The following HDAC4 variants were observed in gnomAD, a reference collection of about 807,000 sequenced individuals.
HDAC4 encodes histone deacetylase 4, also known as histone deacetylase A.
Under a neutral mutation model 135.1 loss-of-function variants are expected in HDAC4, and 16 were observed. That is an observed-to-expected ratio of 0.12 (90% CI 0.08 to 0.18). The LOEUF is 0.18. Ranked by LOEUF, HDAC4 falls within the 10% of genes least tolerant of loss-of-function variation. The probability of loss-of-function intolerance (pLI) is 1.00; values close to 1 mark genes in which losing one functional copy is unlikely to be tolerated. For missense variants in HDAC4, 1,143 were observed against 1,511.8 expected, an observed-to-expected ratio of 0.76 and a Z score of 4.05; for synonymous variants, 685 against 653.4, an observed-to-expected ratio of 1.05 and a Z score of -0.74.
intron 22 of HDAC4, among the ~76,000 whole-genome samples, chr2:239,079,659 G>T (rs528598009): frequency 6.6e-6 from 1 of 152,348 alleles, no homozygotes; most frequent in Non-Finnish European, 1.5e-5. Flanking sequence ...GGCCTCACCT[G>T]CCGGAGACGT....
At chr2:239,257,437 T>G (rs969584257) in intron 2 of HDAC4, among the ~76,000 whole-genome samples, 3 of 152,062 alleles carry the variant, frequency 2.0e-5, no homozygotes, top group Non-Finnish European at 2.9e-5. Flanking sequence ...CCTGTTGGTA[T>G]TTGCAGAGCC....
chr2:239,131,615 A>G (rs955573775), intron 11 of HDAC4, among the ~76,000 whole-genome samples: 11 of 152,126 alleles, frequency 7.2e-5, no homozygotes, highest in Admixed American at 3.9e-4. Flanking sequence ...GGTCTGGTCC[A>G]GCATTGAGCC....
intron 1 of HDAC4, among the ~76,000 whole-genome samples, chr2:239,369,208 G>C (rs146260457): frequency 1.6e-4 from 25 of 152,318 alleles, no homozygotes; most frequent in Non-Finnish European, 3.4e-4. Flanking sequence ...ACAGCAGCAC[G>C]GCCCATTCCC....
Position 239,053,552 on chromosome 2 carries a change from A to G in HDAC4, c.3138T>C (p.Ser1046=). ...TCTCGCAAGTCTGAGCCTCGATCAG[A>G]GAACGCCCCGCTGTGGAGGTTGTGC... ...LQRTTSTAGR[S]LIEAQTCENE... is the part of the protein sequence containing the mutation. Residue 1046 remains serine, a synonymous_variant, in exon 26 of 27, where the codon TCT becomes TCC. Coordinates refer to ENST00000543185, the MANE Select transcript of HDAC4 (RefSeq NM_001378414.1). 1.2e-6 allele frequency: 2 copies of G among 1,613,998 alleles called. No homozygotes were observed. The highest frequency in any genetic ancestry group is 1.7e-6 in the Non-Finnish European group (2 of 1,180,018).
intron 2 of HDAC4, chr2:239,298,664 A>T (rs905341363): frequency 9.3e-5 from 91 of 976,428 alleles, no homozygotes; most frequent in Middle Eastern, 1.0e-3. Context: ...CTGTGGCTAA[A>T]TCATTTATCC....
chr2:239,171,843 G>A (rs2043470860), intron 5 of HDAC4, among the ~76,000 whole-genome samples: 1 of 152,270 alleles, frequency 6.6e-6, no homozygotes, highest in South Asian at 2.1e-4. Flanking sequence ...GAATGGAATG[G>A]CATTCTCAAA....
chr2:239,224,101 C>T (rs1288992409), intron 3 of HDAC4, among the ~76,000 whole-genome samples: 1 of 152,202 alleles, frequency 6.6e-6, no homozygotes, highest in Non-Finnish European at 1.5e-5. Flanking sequence ...CACCCACATT[C>T]CCCATGAATT....
At chr2:239,201,274 A>AG (rs149556201) in intron 3 of HDAC4, among the ~76,000 whole-genome samples, 4,106 of 152,152 alleles carry the variant, frequency 0.027, 190 homozygotes, top group African/African-American at 0.094. Context: ...CAGGTCACCC[A>AG]GGGGGGTGCC....
intron 2 of HDAC4, among the ~76,000 whole-genome samples, chr2:239,261,865 C>A (rs1315840115): frequency 6.6e-6 from 1 of 152,184 alleles, no homozygotes; most frequent in African/African-American, 2.4e-5. Flanking sequence ...CCCGGCCCAG[C>A]CAGGAGGTTC....
chr2:239,270,256 G>T (rs867888493), intron 2 of HDAC4, among the ~76,000 whole-genome samples: 2 of 152,172 alleles, frequency 1.3e-5, no homozygotes, highest in African/African-American at 2.4e-5. Context: ...AATGGATGAC[G>T]GAAACAGAAA....
intron 3 of HDAC4, among the ~76,000 whole-genome samples, chr2:239,197,077 C>T (rs538404191): frequency 6.6e-6 from 1 of 152,276 alleles, no homozygotes; most frequent in Non-Finnish European, 1.5e-5. Context: ...TCCCAGCCAT[C>T]GTCTTCCTTG....
intron 1 of HDAC4, among the ~76,000 whole-genome samples, chr2:239,358,841 T>C (rs1693684689): frequency 6.6e-6 from 1 of 152,212 alleles, no homozygotes; most frequent in Non-Finnish European, 1.5e-5. Context: ...CCTCTACACA[T>C]GAGAAACACA....
At chr2:239,266,269 C>A (rs972769010) in intron 2 of HDAC4, among the ~76,000 whole-genome samples, 1 of 152,216 alleles carries the variant, frequency 6.6e-6, no homozygotes, top group South Asian at 2.1e-4. Context: ...GGGAAACGTG[C>A]CCCTGATTCT....
chr2:239,085,661 G>A (rs1416240975), intron 19 of HDAC4, among the ~76,000 whole-genome samples: 1 of 152,234 alleles, frequency 6.6e-6, no homozygotes, highest in Admixed American at 6.5e-5. Flanking sequence ...TTCAGGTAAA[G>A]CTACAAAGAT....
chr2:239,393,822 G>A (rs1338358969), intron 1 of HDAC4, among the ~76,000 whole-genome samples: 1 of 152,208 alleles, frequency 6.6e-6, no homozygotes, highest in Non-Finnish European at 1.5e-5. Flanking sequence ...CATGGGGCTG[G>A]CCACTGCGTC....
intron 1 of HDAC4, among the ~76,000 whole-genome samples, chr2:239,384,451 CAAA>C (rs5839742): frequency 4.2e-5 from 4 of 95,108 alleles, no homozygotes; most frequent in Admixed American, 1.1e-4. Context: ...CCTGTCTCTA[CAAA>C]AAAAAAAAAA....
chr2:239,375,265 A>G (rs1485956655), intron 1 of HDAC4, among the ~76,000 whole-genome samples: 2 of 152,182 alleles, frequency 1.3e-5, no homozygotes, highest in Admixed American at 1.3e-4. Context: ...GGGAGGTGCC[A>G]GAGCCTGCTT....
At chr2:239,093,063 G>A (rs958835837) in intron 17 of HDAC4, among the ~76,000 whole-genome samples, 10 of 152,166 alleles carry the variant, frequency 6.6e-5, no homozygotes, top group Admixed American at 3.9e-4. Flanking sequence ...GGAGCCGGGC[G>A]TACGAGAGCA....
Position 239,352,796 on chromosome 2 carries a change from C to G in HDAC4, c.-97G>C, listed in dbSNP as rs865991912. The G allele has an allele frequency of 5.8e-6, 7 of 1,214,310 alleles. 1 individual carries two copies. In the Middle Eastern group the frequency reaches 5.8e-4, roughly 100 times the overall value. The allele number at this position is 1,214,310 out of a possible 1,614,324, so 75.2% of individuals were successfully genotyped here. A position where few individuals can be genotyped will look rare whatever the true frequency, so the allele number is the denominator to read the frequency against. ...AGCTCCAAACTCCCACCAACACATACAAGTACCGGGACGGTGAGGGCTGGG... is the reference window on the plus strand; with the variant it reads ...AGCTCCAAACTCCCACCAACACATAGAAGTACCGGGACGGTGAGGGCTGGG... On this transcript the variant is annotated 5_prime_UTR_variant, in exon 2 of 27. Coordinates refer to ENST00000543185, the MANE Select transcript of HDAC4 (RefSeq NM_001378414.1). This position sits in a 1 kb window ranked among gnomAD's most constrained non-coding sequence, Gnocchi z 4.4.
Sources: gnomAD v4.1 joint callset for allele counts (sites outside exome capture counted in the v4.1 genomes callset) on GRCh38, gnomAD v4.1.1 for gene constraint, Gnocchi (gnomAD v3.1) non-coding constraint, MANE v1.5 for transcripts, NCBI Gene and HGNC (gene_info 2026-07-23, HGNC 2026-07-21) for gene names.